Variants in TNRC18 observed in about 807,000 individuals in gnomAD.
The protein encoded by TNRC18 is trinucleotide repeat-containing gene 18 protein.
TNRC18 carries 69 observed loss-of-function variants against 226.7 expected under a neutral mutation model. The observed-to-expected ratio is 0.30, with a 90% CI of 0.25 to 0.37. The LOEUF (loss-of-function observed/expected upper bound fraction) is 0.37. Among genes scored for constraint, TNRC18 ranks in the 10% least tolerant of loss-of-function variants. TNRC18 has a pLI of 1.00. For missense variants in TNRC18, 4,754 were observed against 4,256.6 expected, an observed-to-expected ratio of 1.12 and a Z score of -3.25; for synonymous variants, 2,449 against 1,927.6, an observed-to-expected ratio of 1.27 and a Z score of -7.09.
chr7:5,321,132 G>A lies in TNRC18; in HGVS notation c.6501C>T (p.Ile2167=), dbSNP rs1378322497. 4 of 1,555,654 alleles carry A rather than the reference G, an allele frequency of 2.6e-6. No individual in the cohort carries two copies. The highest frequency in any genetic ancestry group is 3.5e-6 in the Non-Finnish European group (4 of 1,150,542). The stretch of plus-strand genomic sequence containing the variant: ...CGTACAGCAGCTTGTCATCCATGGG[G>A]ATGAGCACACGCAGGCCGTCCTTCA... ...DELKDGLRVL[I]PMDDKLLYAG... The change falls in exon 22 of 30, where the codon ATC becomes ATT. Residue 2167 remains isoleucine, a synonymous_variant. Coordinates refer to ENST00000430969, the MANE Select transcript of TNRC18 (RefSeq NM_001080495.3).
At chr7:5,357,986 T>C (rs912093131) in intron 15 of TNRC18, among the ~76,000 whole-genome samples, 1 of 152,174 alleles carries the variant, frequency 6.6e-6, no homozygotes, top group Non-Finnish European at 1.5e-5. Flanking sequence ...AAGGAAGTAC[T>C]TCGACCAAGT....
chr7:5,422,093 TC>T (rs887118826), intron 1 of TNRC18, among the ~76,000 whole-genome samples: 165 of 149,634 alleles, frequency 1.1e-3, no homozygotes, highest in Admixed American at 2.5e-3. Context: ...AGGCTCGTGG[TC>T]CCCCCCCTTT....
At chr7:5,391,536 C>G (rs1034676360) in intron 3 of TNRC18, among the ~76,000 whole-genome samples, 3 of 151,904 alleles carry the variant, frequency 2.0e-5, no homozygotes, top group African/African-American at 4.8e-5. Flanking sequence ...GTCTCGAACT[C>G]CCGGCTTCAA....
rs111514344 is a variant in TNRC18 at position 5,382,664 on chromosome 7, C to T, written c.2153-4640G>A. ...GAAGCTGGAGGTGGGGACATCCCCACAGCCCCTCCCTCCCAGACCTGGCCC... is the reference window on the plus strand; with the variant it reads ...GAAGCTGGAGGTGGGGACATCCCCATAGCCCCTCCCTCCCAGACCTGGCCC... On this transcript the variant is annotated intron_variant, in intron 5 of 29. Coordinates refer to ENST00000430969, the MANE Select transcript of TNRC18 (RefSeq NM_001080495.3). 8.3e-4 allele frequency among the ~76,000 whole-genome samples: 126 copies of T among 152,304 alleles called. 3 individuals carry two copies. Among genetic ancestry groups the T allele is most frequent in the African/African-American group, 2.8e-3 (118 of 41,562 alleles).
In TNRC18 at chr7:5,307,568, AGAGGGTGGGGGCAGG is replaced by A; in HGVS notation, c.*523_*537del. The A allele has an allele frequency of 2.2e-6, 1 of 449,480 alleles. No individual in the cohort carries two copies. The highest frequency in any genetic ancestry group is 2.0e-5 in the African/African-American group (1 of 49,782). The allele number at this position is 449,480 out of a possible 1,614,324, so 27.8% of individuals were successfully genotyped here. A position where few individuals can be genotyped will look rare whatever the true frequency, so the allele number is the denominator to read the frequency against. ...TGTTCCCCAAGTCTAGGCCATCCTG[AGAGGGTGGGGGCAGG>A]GCCCCTGGCACAGTCAGGTAGGCCA... On this transcript the variant is annotated 3_prime_UTR_variant, in exon 30 of 30. Transcript: ENST00000430969.
Position 5,309,327 on chromosome 7 carries a change from C to T in TNRC18, c.8430G>A (p.Lys2810=). Residue 2810 remains lysine (K), a synonymous_variant, in exon 28 of 30, where the codon AAG becomes AAA. Coordinates refer to ENST00000430969, the MANE Select transcript of TNRC18 (RefSeq NM_001080495.3). The surrounding 1 kb of genome is among the most constrained non-coding windows in gnomAD (Gnocchi z 5.7). ...TCATCTCCTTGCCGCGCACGATGGC[C>T]TTGTAGAAGAGCTTGCGGGCCTTGC... ...MKGKARKLFY[K]AIVRGKEMIR... is the part of the protein sequence containing the mutation. 1.9e-6 allele frequency: 3 copies of T among 1,613,862 alleles called. No homozygotes were observed. Among genetic ancestry groups the T allele is most frequent in the Non-Finnish European group, 2.5e-6 (3 of 1,179,820 alleles).
chr7:5,329,407 G>A (rs570123217), intron 19 of TNRC18, among the ~76,000 whole-genome samples: 1 of 151,978 alleles, frequency 6.6e-6, no homozygotes, highest in South Asian at 2.1e-4. Flanking sequence ...AATACAGCCA[G>A]GAGCGGTGGC....
chr7:5,313,373 G>A lies in TNRC18; in HGVS notation c.7518C>T (p.Pro2506=), dbSNP rs775026411. Residue 2506 remains proline, a synonymous_variant, in exon 27 of 30, where the codon CCC becomes CCT. Transcript: ENST00000430969. ...KSLLSLGSYP[P]AAGSSEPKAP... ...CCTTGGGCTCGCTGCTGCCGGCCGC[G>A]GGGGGATAGCTGCCCAGGCTCAGGA... 56 of 1,582,770 alleles carry A rather than the reference G, an allele frequency of 3.5e-5. No individual in the cohort carries two copies. The highest frequency in any genetic ancestry group is 1.3e-4 in the Admixed American group (7 of 55,204).
intron 16 of TNRC18, among the ~76,000 whole-genome samples, chr7:5,354,691 C>T (rs565199060): frequency 2.0e-5 from 3 of 152,186 alleles, no homozygotes; most frequent in Admixed American, 1.3e-4. Context: ...TTAACTCACA[C>T]CCACAGGGAG....
intron 3 of TNRC18, among the ~76,000 whole-genome samples, chr7:5,393,819 C>T (rs1780470244): frequency 6.6e-6 from 1 of 152,120 alleles, no homozygotes; most frequent in Non-Finnish European, 1.5e-5. Context: ...CATTGAGGGG[C>T]ATGGCTGCAG....
intron 10 of TNRC18, among the ~76,000 whole-genome samples, chr7:5,373,051 G>A (rs1048526915): frequency 3.9e-5 from 6 of 152,102 alleles, no homozygotes; most frequent in African/African-American, 1.4e-4. Context: ...CCAGCTACTA[G>A]GGAGACTGAG....
intron 18 of TNRC18, among the ~76,000 whole-genome samples, chr7:5,337,959 G>A (rs1246023147): frequency 6.6e-6 from 1 of 152,078 alleles, no homozygotes; most frequent in Non-Finnish European, 1.5e-5. Context: ...CTCCAGCCTG[G>A]GCGACAGAGT....
At chr7:5,344,563 C>A (rs977725966) in intron 18 of TNRC18, among the ~76,000 whole-genome samples, 2 of 152,078 alleles carry the variant, frequency 1.3e-5, no homozygotes, top group African/African-American at 4.8e-5. Context: ...GCTCCACGAA[C>A]CTGCAGAGGG....
At chr7:5,395,328 C>G (rs1239363669) in intron 2 of TNRC18, among the ~76,000 whole-genome samples, 1 of 152,092 alleles carries the variant, frequency 6.6e-6, no homozygotes, top group Non-Finnish European at 1.5e-5. Context: ...CCCCTCCAGA[C>G]AGCAGGCCCC....
At chr7:5,314,796 C>T (rs920270674) in intron 26 of TNRC18, among the ~76,000 whole-genome samples, 188 bp downstream of exon 26, 2 of 152,118 alleles carry the variant, frequency 1.3e-5, no homozygotes, top group African/African-American at 4.8e-5. Flanking sequence ...TGGTCTTGAA[C>T]TCCTGACATC....
intron 2 of TNRC18, among the ~76,000 whole-genome samples, chr7:5,404,882 G>A (rs1169057250): frequency 2.0e-5 from 3 of 152,028 alleles, no homozygotes; most frequent in Non-Finnish European, 4.4e-5. Flanking sequence ...GGGAGGCCGA[G>A]GCGGGCAGAT....
At chr7:5,381,576 G>C (rs934500384) in intron 5 of TNRC18, among the ~76,000 whole-genome samples, 1 of 152,098 alleles carries the variant, frequency 6.6e-6, no homozygotes, top group Admixed American at 6.6e-5. Context: ...AGTGAGCCAT[G>C]ACTGCACCAC....
At position 5,388,961 on chromosome 7, in the gene TNRC18, G is replaced by T; in HGVS notation, c.863C>A (p.Ala288Asp). Reference sequence around the variant, plus strand: ...CAGCGCGGGCAGCCCCACGTCCCCGGCGCCGCCGTTGCACATGGTCAGTAC... The same window carrying T: ...CAGCGCGGGCAGCCCCACGTCCCCGTCGCCGCCGTTGCACATGGTCAGTAC... ...PSVLTMCNGG[A>D]GDVGLPALVA... is the part of the protein sequence containing the mutation. Residue 288 changes from alanine (A) to aspartate (D), a missense_variant, in exon 5 of 30, where the codon GCC (alanine) becomes GAC (aspartate). Physicochemically the swap from Ala to Asp is moderately radical, Grantham distance 126. Transcript: ENST00000430969. 3 of 1,387,450 alleles carry T rather than the reference G, an allele frequency of 2.2e-6. No homozygotes were observed. Among genetic ancestry groups the T allele is most frequent in the Non-Finnish European group, 2.8e-6 (3 of 1,065,402 alleles). The allele number at this position is 1,387,450 out of a possible 1,614,324, so 85.9% of individuals were successfully genotyped here.
intron 5 of TNRC18, among the ~76,000 whole-genome samples, chr7:5,387,075 A>G (rs540241402): frequency 6.6e-6 from 1 of 152,342 alleles, no homozygotes; most frequent in African/African-American, 2.4e-5. Context: ...ACTCCGTTTC[A>G]AAAATAAATA....
Sources: allele counts gnomAD v4.1 joint callset (sites outside exome capture counted in the v4.1 genomes callset), GRCh38; gene constraint gnomAD v4.1.1; non-coding constraint Gnocchi (gnomAD v3.1); transcripts MANE v1.5; gene names NCBI Gene and HGNC (gene_info 2026-07-23, HGNC 2026-07-21).